The following FAM193A variants were observed in gnomAD, a reference collection of about 807,000 sequenced individuals.
FAM193A encodes the protein protein FAM193A.
In FAM193A, 22 loss-of-function variants were observed where a neutral mutation model predicts 126.5. The ratio of observed to expected loss-of-function variants is 0.17; its 90% CI spans 0.12 to 0.25. The LOEUF (loss-of-function observed/expected upper bound fraction) is 0.25, where lower values mean the gene tolerates loss of function less well. Among genes scored for constraint, FAM193A ranks in the 10% least tolerant of loss-of-function variants. The pLI is 1.00. For synonymous variants in FAM193A, 761 were observed against 646.8 expected (o/e 1.18, Z -2.68); for missense variants, 1,675 against 1,672.8 (o/e 1.00, Z -0.02).
intron 19 of FAM193A, among the ~76,000 whole-genome samples, 157 bp downstream of exon 19, chr4:2,700,701 C>G (rs1287897274): frequency 1.3e-5 from 2 of 152,148 alleles, no homozygotes; most frequent in Non-Finnish European, 2.9e-5. Flanking sequence ...TGGCTCACAC[C>G]TGTAATCCCA....
chr4:2,537,447 C>T (rs1736950256), intron 1 of FAM193A, among the ~76,000 whole-genome samples: 1 of 152,164 alleles, frequency 6.6e-6, no homozygotes, highest in Non-Finnish European at 1.5e-5. Context: ...CTCACGGCGA[C>T]GGGCTGGTCC....
In FAM193A at chr4:2,623,038, G is replaced by A. The variant is rs535925208; in HGVS notation, c.502-2224G>A. On this transcript the variant is annotated intron_variant, in intron 2 of 20. Transcript: ENST00000637812. ...CCCAACCCCCTACCACTGCTGTCCCGCACTCTGCCCCCCTTCCCTCATGGT... is the reference window on the plus strand; with the variant it reads ...CCCAACCCCCTACCACTGCTGTCCCACACTCTGCCCCCCTTCCCTCATGGT... Among the ~76,000 whole-genome samples, 8 of 151,822 alleles carry A rather than the reference G, an allele frequency of 5.3e-5. No homozygotes were observed. In the South Asian group the frequency reaches 1.0e-3, roughly 20 times the overall value.
At chr4:2,676,737 T>C (rs1577186234) in intron 13 of FAM193A, among the ~76,000 whole-genome samples, 1 of 151,780 alleles carries the variant, frequency 6.6e-6, no homozygotes, top group Admixed American at 6.6e-5. Context: ...GGTCAGGAGG[T>C]CGAGACCATC....
At chr4:2,627,766 G>A (rs1309941149) in intron 4 of FAM193A, among the ~76,000 whole-genome samples, 7 of 145,694 alleles carry the variant, frequency 4.8e-5, no homozygotes, top group South Asian at 2.2e-4. Context: ...TTTTTGAGAC[G>A]ATGTCTCGCT....
intron 7 of FAM193A, among the ~76,000 whole-genome samples, chr4:2,648,877 G>C (rs1329805781): frequency 6.6e-6 from 1 of 152,206 alleles, no homozygotes; most frequent in African/African-American, 2.4e-5. Flanking sequence ...AGGGCCAGTA[G>C]TGTGTCCAGG....
At position 2,626,428 on chromosome 4, in the gene FAM193A, G is replaced by A. The variant is rs878885680; in HGVS notation, c.654G>A (p.Ala218=). ...CTCACAGAGAAATTTCGGCAGAGGC[G>A]GACCGGGAACCTCAGCAGCTGCAGA... ...CSERREISAE[A]DREPQQLQNY... is the part of the protein sequence containing the mutation. The change falls in exon 4 of 21, where the codon GCG becomes GCA. Residue 218 remains alanine, a synonymous_variant. Coordinates refer to ENST00000637812, the MANE Select transcript of FAM193A (RefSeq NM_001366318.2). 5.7e-6 allele frequency: 4 copies of A among 699,504 alleles called. No individual in the cohort carries two copies. The highest frequency in any genetic ancestry group is 3.0e-5 in the South Asian group (2 of 67,504). The allele number at this position is 699,504 out of a possible 1,614,324, so 43.3% of individuals were successfully genotyped here.
At chr4:2,705,382 G>A (rs370952388) in intron 19 of FAM193A, among the ~76,000 whole-genome samples, 2 of 152,020 alleles carry the variant, frequency 1.3e-5, no homozygotes, top group East Asian at 1.9e-4. Context: ...TCTGGATTTT[G>A]AATAATTGTT....
intron 1 of FAM193A, among the ~76,000 whole-genome samples, chr4:2,589,946 C>G (rs567321461): frequency 6.6e-6 from 1 of 151,392 alleles, no homozygotes; most frequent in South Asian, 2.1e-4. Flanking sequence ...ATCAGCCTGA[C>G]CGACGTGATG....
rs896829556 is a variant in FAM193A at position 2,625,667 on chromosome 4, A to T, written c.635+272A>T. On this transcript the variant is annotated intron_variant, in intron 3 of 20. Transcript: ENST00000637812. ...CAGTGAATGAGAGGAGCGATGGGGG[A>T]GAGCCTGACTGGCTGCTTCTCAGTG... The T allele has an allele frequency of 4.3e-5, 10 of 232,294 alleles. No homozygotes were observed. In the East Asian group the frequency reaches 8.3e-4, roughly 19 times the overall value. The allele number at this position is 232,294 out of a possible 1,614,324, so 14.4% of individuals were successfully genotyped here.
chr4:2,724,213 C>T (rs1720482089), intron 20 of FAM193A, among the ~76,000 whole-genome samples: 1 of 152,180 alleles, frequency 6.6e-6, no homozygotes, highest in Non-Finnish European at 1.5e-5. Flanking sequence ...CACAGGATTT[C>T]CATAAATCTT....
chr4:2,594,819 C>CTTTTTTTT (rs1740763162), intron 1 of FAM193A, among the ~76,000 whole-genome samples: 1 of 86,958 alleles, frequency 1.1e-5, no homozygotes, highest in African/African-American at 5.9e-5. Context: ...CTTTTCTTTT[C>CTTTTTTTT]CTTTTTTTTT....
chr4:2,653,299 A>G (rs1745852562), intron 7 of FAM193A, among the ~76,000 whole-genome samples: 2 of 152,262 alleles, frequency 1.3e-5, no homozygotes, highest in African/African-American at 4.8e-5. Context: ...GTATATATGT[A>G]AAAATAACAC....
At chr4:2,604,130 A>C in intron 2 of FAM193A, among the ~76,000 whole-genome samples, 1 of 152,202 alleles carries the variant, frequency 6.6e-6, no homozygotes, top group East Asian at 1.9e-4. Context: ...GGGGTGAGCC[A>C]CCACGGCCAG....
At position 2,690,877 on chromosome 4, in the gene FAM193A, T is replaced by C; in HGVS notation, c.2710T>C (p.Ser904Pro). The C allele has an allele frequency of 6.2e-7, 1 of 1,614,170 alleles. No homozygotes were observed. The highest frequency in any genetic ancestry group is 8.5e-7 in the Non-Finnish European group (1 of 1,180,006). Residue 904 changes from serine to proline, a missense_variant, in exon 15 of 21, where the codon TCA (serine) becomes CCA (proline). Transcript: ENST00000637812. ...AGCAAATAAAGTTGTCATGGCCACGTCATCAGCCACGTCCTCTGTGTCCTG... is the reference window on the plus strand; with the variant it reads ...AGCAAATAAAGTTGTCATGGCCACGCCATCAGCCACGTCCTCTGTGTCCTG... ...MEANKVVMAT[S>P]SATSSVSCTA...
intron 2 of FAM193A, among the ~76,000 whole-genome samples, chr4:2,601,317 C>A (rs1741185596): frequency 6.8e-6 from 1 of 146,304 alleles, no homozygotes; most frequent in Non-Finnish European, 1.5e-5. Context: ...ACTGCAACCT[C>A]TGCCTCCCGG....
intron 6 of FAM193A, 96 bp from the exon 7 acceptor site, chr4:2,646,589 G>A: frequency 1.5e-6 from 2 of 1,330,512 alleles, no homozygotes; most frequent in South Asian, 1.5e-5. Context: ...GAGGCGAGAT[G>A]ACAAAGCAGG....
intron 1 of FAM193A, 34 bp from the exon 2 acceptor site, chr4:2,596,050 G>A: frequency 1.5e-6 from 1 of 679,968 alleles, no homozygotes; most frequent in Non-Finnish European, 2.7e-6. Flanking sequence ...TGTAGATGAG[G>A]TTTTGAAAAT....
At position 2,701,323 on chromosome 4, in the gene FAM193A, A is replaced by G. The variant is rs111234007; in HGVS notation, c.4372+779A>G. ...AAAAGCTCTTGTTGTTTCTCCTGAC[A>G]TGGGATCCAATCCAGGATCCCATGT... On this transcript the variant is annotated intron_variant, in intron 19 of 20. Coordinates refer to ENST00000637812, the MANE Select transcript of FAM193A (RefSeq NM_001366318.2). 3.1e-3 allele frequency among the ~76,000 whole-genome samples: 471 copies of G among 149,916 alleles called. 3 individuals are homozygous for G. The highest frequency in any genetic ancestry group is 9.1e-3 in the African/African-American group (374 of 40,940).
chr4:2,700,653 C>G, intron 19 of FAM193A, 109 bp downstream of exon 19: 2 of 1,373,366 alleles, frequency 1.5e-6, no homozygotes, highest in Non-Finnish European at 2.0e-6. Flanking sequence ...CATGTGGCCT[C>G]CCTCCTGTAG....
Sources: gnomAD v4.1 joint callset for allele counts (sites outside exome capture counted in the v4.1 genomes callset) on GRCh38, gnomAD v4.1.1 for gene constraint, MANE v1.5 for transcripts, NCBI Gene and HGNC (gene_info 2026-07-23, HGNC 2026-07-21) for gene names.